The following STPG2 variants were observed in gnomAD, a reference collection of about 807,000 sequenced individuals.
The protein encoded by STPG2 is sperm-tail PG-rich repeat-containing protein 2.
In STPG2, 56 loss-of-function variants were observed where a neutral mutation model predicts 54.2. The ratio of observed to expected loss-of-function variants is 1.03; its 90% CI spans 0.83 to 1.29. The LOEUF (loss-of-function observed/expected upper bound fraction) is 1.29, where lower values mean the gene tolerates loss of function less well. Among genes scored for constraint, STPG2 ranks in the 50% most tolerant of loss-of-function variants. STPG2 has a pLI of 0.00. For missense variants in STPG2, 596 were observed against 544.9 expected (o/e 1.09, Z -0.93); for synonymous variants, 200 against 181.8 (o/e 1.10, Z -0.81).
intron 8 of STPG2, among the ~76,000 whole-genome samples, chr4:97,913,645 C>T (rs1731763392): frequency 6.6e-6 from 1 of 152,222 alleles, no homozygotes; most frequent in African/African-American, 2.4e-5. Flanking sequence ...AGTAGTGGAA[C>T]ACACACCTCC....
intron 5 of STPG2, among the ~76,000 whole-genome samples, chr4:98,031,990 A>G (rs1298677018): frequency 6.6e-6 from 1 of 152,226 alleles, no homozygotes; most frequent in Non-Finnish European, 1.5e-5. Flanking sequence ...ATGATCAGAG[A>G]AATGCAAATC....
At chr4:97,601,779 AGT>A (rs1375604251) in intron 10 of STPG2, among the ~76,000 whole-genome samples, 1 of 151,832 alleles carries the variant, frequency 6.6e-6, no homozygotes, top group Non-Finnish European at 1.5e-5. Flanking sequence ...CTTCCTTAGG[AGT>A]GTGTTATATA....
intron 7 of STPG2, among the ~76,000 whole-genome samples, chr4:97,944,708 A>G (rs1733134046): frequency 6.6e-6 from 1 of 152,120 alleles, no homozygotes; most frequent in Admixed American, 6.6e-5. Flanking sequence ...TTCATAGTTA[A>G]TATTTCAGAA....
At chr4:97,560,959 T>A (rs1732217979) in intron 10 of STPG2, among the ~76,000 whole-genome samples, 1 of 152,214 alleles carries the variant, frequency 6.6e-6, no homozygotes, top group East Asian at 1.9e-4. Flanking sequence ...CCTTTGGGTA[T>A]ATACCCAGTA....
chr4:98,133,378 A>G (rs918036106), intron 2 of STPG2, among the ~76,000 whole-genome samples: 1 of 152,014 alleles, frequency 6.6e-6, no homozygotes, highest in Non-Finnish European at 1.5e-5. Flanking sequence ...TCACATGTCC[A>G]GTTGTTCACA....
chr4:97,624,596 T>G (rs2148927214), intron 10 of STPG2, among the ~76,000 whole-genome samples: 1 of 152,328 alleles, frequency 6.6e-6, no homozygotes, highest in African/African-American at 2.4e-5. Flanking sequence ...TCATAGTTTC[T>G]TTTGCTGTGC....
At chr4:97,469,610 C>G (rs150267237) in intron 4 of STPG2, among the ~76,000 whole-genome samples, 8 of 152,006 alleles carry the variant, frequency 5.3e-5, no homozygotes, top group African/African-American at 1.9e-4. Context: ...AAGAGAGCGG[C>G]AGTCGTACAT....
chr4:97,813,450 T>C (rs1298691875), intron 9 of STPG2, among the ~76,000 whole-genome samples: 2 of 151,902 alleles, frequency 1.3e-5, no homozygotes, highest in East Asian at 3.9e-4. Flanking sequence ...TGCTAGGAGA[T>C]TTAAATCCAT....
At chr4:98,082,386 C>T (rs1021579058) in intron 5 of STPG2, among the ~76,000 whole-genome samples, 2 of 139,298 alleles carry the variant, frequency 1.4e-5, no homozygotes, top group Non-Finnish European at 3.0e-5. Flanking sequence ...ATTAAAGAAA[C>T]GTGTACCTGG....
intron 7 of STPG2, among the ~76,000 whole-genome samples, chr4:97,947,479 G>C (rs1308766463): frequency 1.3e-5 from 2 of 151,976 alleles, no homozygotes; most frequent in Admixed American, 6.6e-5. Flanking sequence ...TCTTCATCTT[G>C]TTCCAGTTCT....
At chr4:97,636,007 G>T (rs1345006961) in intron 10 of STPG2, among the ~76,000 whole-genome samples, 1 of 152,110 alleles carries the variant, frequency 6.6e-6, no homozygotes, top group Non-Finnish European at 1.5e-5. Context: ...GACATCTACA[G>T]AACTCTCCAC....
At chr4:97,832,939 A>G (rs186521902) in intron 9 of STPG2, among the ~76,000 whole-genome samples, 4 of 152,246 alleles carry the variant, frequency 2.6e-5, no homozygotes, top group Admixed American at 2.6e-4. Context: ...TACTGCCCAA[A>G]GTAATTTATA....
intron 8 of STPG2, among the ~76,000 whole-genome samples, chr4:97,848,687 A>G (rs1026169615): frequency 1.3e-5 from 2 of 152,092 alleles, no homozygotes; most frequent in African/African-American, 4.8e-5. Context: ...TAAGGTGTAA[A>G]GAAGGGATCC....
At chr4:97,542,417 A>T (rs1004787675) in intron 4 of STPG2, among the ~76,000 whole-genome samples, 2 of 152,214 alleles carry the variant, frequency 1.3e-5, no homozygotes, top group African/African-American at 4.8e-5. Flanking sequence ...AACCACAATG[A>T]GATAATCATC....
chr4:97,957,438 G>A (rs1270703549), intron 7 of STPG2, among the ~76,000 whole-genome samples: 5 of 151,826 alleles, frequency 3.3e-5, no homozygotes, highest in Admixed American at 6.6e-5. Flanking sequence ...TATGTTAAAC[G>A]ACCAAACCTA....
intron 9 of STPG2, among the ~76,000 whole-genome samples, chr4:97,760,538 T>C (rs545644452): frequency 6.6e-6 from 1 of 152,278 alleles, no homozygotes; most frequent in African/African-American, 2.4e-5. Flanking sequence ...ATATAGTCTT[T>C]AAAATTCCAT....
intron 4 of STPG2, among the ~76,000 whole-genome samples, chr4:97,477,211 T>G (rs1376419873): frequency 1.3e-5 from 2 of 152,202 alleles, no homozygotes; most frequent in Non-Finnish European, 2.9e-5. Context: ...CAGTAGCTTA[T>G]ATAGTAACTG....
intron 8 of STPG2, among the ~76,000 whole-genome samples, chr4:97,845,204 A>G (rs1314370110): frequency 2.0e-5 from 3 of 151,334 alleles, no homozygotes; most frequent in South Asian, 4.2e-4. Context: ...GCAACTCTGG[A>G]TTTTTTTTCT....
intron 8 of STPG2, among the ~76,000 whole-genome samples, chr4:97,914,587 C>G (rs570789269): frequency 1.3e-5 from 2 of 152,136 alleles, no homozygotes; most frequent in Non-Finnish European, 2.9e-5. Flanking sequence ...AACAATAACT[C>G]TCCATTCTCT....
Sources: allele counts gnomAD v4.1 joint callset (sites outside exome capture counted in the v4.1 genomes callset), GRCh38; gene constraint gnomAD v4.1.1; transcripts MANE v1.5; gene names NCBI Gene and HGNC (gene_info 2026-07-23, HGNC 2026-07-21).